Variants in NKAIN2 observed in about 807,000 individuals in gnomAD.
NKAIN2 encodes the protein sodium/potassium transporting ATPase interacting 2, also known as sodium/potassium-transporting ATPase subunit beta-1-interacting protein 2.
In NKAIN2, 14 loss-of-function variants were observed where a neutral mutation model predicts 32.6. That is an observed-to-expected ratio of 0.43 (90% CI 0.28 to 0.67). The LOEUF (loss-of-function observed/expected upper bound fraction) is 0.67. NKAIN2 is among the 30% of genes least tolerant of loss of function. The pLI, the probability that NKAIN2 is intolerant of heterozygous loss-of-function variation, is 0.17. For synonymous variants in NKAIN2, 80 were observed against 87.2 expected (o/e 0.92, Z 0.46); for missense variants, 198 against 258.3 (o/e 0.77, Z 1.60).
chr6:124,384,674 G>T (rs570490854), intron 3 of NKAIN2, among the ~76,000 whole-genome samples: 6 of 145,112 alleles, frequency 4.1e-5, no homozygotes, highest in African/African-American at 1.5e-4. Context: ...ATGCTGGAGT[G>T]CAGTGGCATG....
intron 3 of NKAIN2, among the ~76,000 whole-genome samples, chr6:124,390,085 A>G (rs1325267611): frequency 6.6e-6 from 1 of 152,114 alleles, no homozygotes; most frequent in African/African-American, 2.4e-5. Context: ...GAAAAGGTAC[A>G]GTGTTCTTTC....
At chr6:124,183,360 A>G (rs9375313) in intron 1 of NKAIN2, among the ~76,000 whole-genome samples, 28,059 of 152,034 alleles carry the variant, frequency 0.18, 2,733 homozygotes, top group East Asian at 0.29. Flanking sequence ...ATAAAAGTAT[A>G]GCAATATAAA....
At chr6:124,655,194 G>A (rs1784497552) in intron 3 of NKAIN2, among the ~76,000 whole-genome samples, 1 of 151,646 alleles carries the variant, frequency 6.6e-6, no homozygotes, top group East Asian at 1.9e-4. Flanking sequence ...TCTTTCTTGG[G>A]GCCATGGTAT....
At chr6:124,199,350 G>A (rs148745133) in intron 1 of NKAIN2, among the ~76,000 whole-genome samples, 323 of 152,286 alleles carry the variant, frequency 2.1e-3, no homozygotes, top group African/African-American at 7.2e-3. Flanking sequence ...AGATCTGGCT[G>A]CAGTCCCATG....
At chr6:123,941,231 G>A (rs1020399054) in intron 1 of NKAIN2, among the ~76,000 whole-genome samples, 11 of 151,352 alleles carry the variant, frequency 7.3e-5, no homozygotes, top group Non-Finnish European at 1.2e-4. Flanking sequence ...ATTTCGTTCC[G>A]GGATTCTTCC....
In NKAIN2 at chr6:123,996,538, C is replaced by T. The variant is rs565107823; in HGVS notation, c.54+192284C>T. Among the ~76,000 whole-genome samples, 4 of 152,122 alleles carry T rather than the reference C, an allele frequency of 2.6e-5. No individual in the cohort carries two copies. In the East Asian group the frequency reaches 7.7e-4, roughly 29 times the overall value. ...GATGGCAAATTTTACATTCTAACTT[C>T]AATACTGAAAGTTTGAGAATAACAT... On this transcript the variant is annotated intron_variant, in intron 1 of 6. Transcript: ENST00000368417.
intron 3 of NKAIN2, among the ~76,000 whole-genome samples, chr6:124,441,391 C>G (rs1246985291): frequency 6.6e-6 from 1 of 152,040 alleles, no homozygotes; most frequent in South Asian, 2.1e-4. Context: ...TATACTTTCT[C>G]TTGAATATGG....
intron 1 of NKAIN2, among the ~76,000 whole-genome samples, chr6:124,198,161 C>T (rs930694828): frequency 1.3e-5 from 2 of 151,940 alleles, no homozygotes; most frequent in African/African-American, 4.8e-5. Flanking sequence ...TGCCATGTAC[C>T]ACGTGAAGGC....
At chr6:124,085,109 A>G (rs1207454988) in intron 1 of NKAIN2, among the ~76,000 whole-genome samples, 1 of 152,184 alleles carries the variant, frequency 6.6e-6, no homozygotes, top group South Asian at 2.1e-4. Flanking sequence ...TAATGATGTG[A>G]AAGCAAACTC....
intron 4 of NKAIN2, among the ~76,000 whole-genome samples, chr6:124,759,306 G>T (rs1402544515): frequency 6.6e-6 from 1 of 152,100 alleles, no homozygotes; most frequent in Non-Finnish European, 1.5e-5. Flanking sequence ...TCAAAACATT[G>T]TTGAATCTCA....
intron 1 of NKAIN2, among the ~76,000 whole-genome samples, chr6:123,814,265 G>T (rs1264233040): frequency 6.6e-6 from 1 of 152,094 alleles, no homozygotes; most frequent in Non-Finnish European, 1.5e-5. Flanking sequence ...TCAAATTAAC[G>T]AATGAATTCA....
At chr6:124,123,881 A>G (rs1175147755) in intron 1 of NKAIN2, among the ~76,000 whole-genome samples, 1 of 151,948 alleles carries the variant, frequency 6.6e-6, no homozygotes, top group Non-Finnish European at 1.5e-5. Flanking sequence ...CAATGTTAAG[A>G]GACATTGAGA....
chr6:123,962,229 TG>T (rs1777879935), intron 1 of NKAIN2, among the ~76,000 whole-genome samples: 1 of 152,180 alleles, frequency 6.6e-6, no homozygotes, highest in Non-Finnish European at 1.5e-5. Flanking sequence ...GTTTTTCATT[TG>T]GGCATTTTGA....
intron 3 of NKAIN2, among the ~76,000 whole-genome samples, chr6:124,511,075 A>G (rs1429889173): frequency 6.6e-6 from 1 of 152,172 alleles, no homozygotes; most frequent in East Asian, 1.9e-4. Flanking sequence ...CTAGTTTCAA[A>G]TGAGTCACAA....
intron 1 of NKAIN2, among the ~76,000 whole-genome samples, chr6:123,933,823 C>G (rs945009806): frequency 3.3e-5 from 5 of 152,176 alleles, no homozygotes; most frequent in Non-Finnish European, 7.4e-5. Flanking sequence ...TTTGAGCTCC[C>G]TGGAATTCAG....
intron 1 of NKAIN2, among the ~76,000 whole-genome samples, chr6:123,922,856 T>C (rs543534941): frequency 1.5e-4 from 23 of 152,340 alleles, no homozygotes; most frequent in Admixed American, 1.4e-3. Context: ...ATTTACTTTT[T>C]AATTTTTAAC....
chr6:124,139,404 G>A (rs1003249816), intron 1 of NKAIN2, among the ~76,000 whole-genome samples: 1 of 152,150 alleles, frequency 6.6e-6, no homozygotes. Context: ...AAAATTTTAA[G>A]TAAAGTAAGA....
At chr6:123,963,143 C>A (rs1318011720) in intron 1 of NKAIN2, among the ~76,000 whole-genome samples, 2 of 152,126 alleles carry the variant, frequency 1.3e-5, no homozygotes, top group Non-Finnish European at 2.9e-5. Context: ...ACACTAACCT[C>A]ATCAGGGCCT....
At chr6:124,610,502 A>G (rs1337892958) in intron 3 of NKAIN2, among the ~76,000 whole-genome samples, 2 of 152,192 alleles carry the variant, frequency 1.3e-5, no homozygotes, top group Non-Finnish European at 2.9e-5. Flanking sequence ...GATACTGTCT[A>G]TGCTGGTTAA....
Sources: allele counts gnomAD v4.1 joint callset (sites outside exome capture counted in the v4.1 genomes callset), GRCh38; gene constraint gnomAD v4.1.1; transcripts MANE v1.5; gene names NCBI Gene and HGNC (gene_info 2026-07-23, HGNC 2026-07-21).